Variants in PKLR observed in about 807,000 individuals in gnomAD.
PKLR encodes pyruvate kinase L/R.
PKLR carries 38 observed loss-of-function variants against 53.6 expected under a neutral mutation model. The ratio of observed to expected loss-of-function variants is 0.71; its 90% confidence interval spans 0.55 to 0.93. The LOEUF is 0.93. Among genes scored for constraint, PKLR ranks in the 40% least tolerant of loss-of-function variants. The probability of loss-of-function intolerance (pLI) is 0.00; values close to 1 mark genes in which losing one functional copy is unlikely to be tolerated. For synonymous variants in PKLR, 328 were observed against 316.2 expected (o/e 1.04, Z -0.39); for missense variants, 702 against 787.3 (o/e 0.89, Z 1.30).
intron 2 of PKLR, among the ~76,000 whole-genome samples, chr1:155,296,691 C>T (rs577602992): frequency 6.6e-6 from 1 of 152,166 alleles, no homozygotes; most frequent in East Asian, 1.9e-4. Context: ...GGTAAACCTA[C>T]TGTTATTTCT....
Position 155,295,510 on chromosome 1 carries a change from G to A in PKLR, c.434C>T (p.Pro145Leu), listed in dbSNP as rs1553230879. The change falls in exon 4 of 11, where the codon CCA becomes CTA. Residue 145 changes from proline (P) to leucine (L), a missense_variant. By Grantham distance (98) the Pro-to-Leu change is moderately conservative. Coordinates refer to ENST00000342741, the MANE Select transcript of PKLR (RefSeq NM_000298.6). This position sits in a 1 kb window ranked among gnomAD's most constrained non-coding sequence, Gnocchi z 4.3. ...REAVESFAGS[P>L]LSYRPVAIAL... The stretch of plus-strand genomic sequence containing the variant: ...GATGGCCACGGGCCGGTAGCTGAGT[G>A]GGGAACCTGCAAAGCTCTCCACCGC... 2.5e-6 allele frequency: 4 copies of A among 1,611,806 alleles called. No individual in the cohort carries two copies. The highest frequency in any genetic ancestry group is 1.3e-5 in the African/African-American group (1 of 75,038).
At chr1:155,296,864 C>T (rs184842112) in intron 2 of PKLR, among the ~76,000 whole-genome samples, 22 of 152,230 alleles carry the variant, frequency 1.4e-4, no homozygotes, top group Middle Eastern at 3.4e-3. Context: ...CGTTGGCCTC[C>T]ATCTCTCCAC....
intron 1 of PKLR, chr1:155,300,929 C>A (rs1214774859): frequency 1.2e-6 from 2 of 1,602,022 alleles, no homozygotes; most frequent in Admixed American, 3.4e-5. Context: ...TGTGGGTCTG[C>A]TCCACACTGT....
intron 2 of PKLR, among the ~76,000 whole-genome samples, chr1:155,296,342 C>G (rs1230909224): frequency 6.6e-6 from 1 of 151,912 alleles, no homozygotes; most frequent in South Asian, 2.1e-4. Context: ...TTTTCTTTTT[C>G]TTTCTTTTTT....
rs777525158 is a variant in PKLR at position 155,300,135 on chromosome 1, G to A, written c.246C>T (p.Pro82=). 2.2e-5 allele frequency: 35 copies of A among 1,613,808 alleles called. No individual in the cohort carries two copies. The East Asian group carries it at 4.5e-4, about 21-fold the overall frequency. Residue 82 remains proline (P), a synonymous_variant, in exon 2 of 11, where the codon CCC becomes CCT. Transcript: ENST00000342741. ...TGATGCTGGTACTGCGAGCAGCCAC[G>A]GGCTCGGAGTCAATGTCCAGTAGGC... The part of the protein sequence containing the change: ...HLCLLDIDSE[P]VAARSTSIIA...
intron 2 of PKLR, among the ~76,000 whole-genome samples, chr1:155,297,867 C>A (rs1402703257): frequency 6.6e-6 from 1 of 152,076 alleles, no homozygotes; most frequent in Non-Finnish European, 1.5e-5. Context: ...TCTCTTCCCC[C>A]AGGTCTCTGC....
chr1:155,299,918 G>GT lies in PKLR; in HGVS notation c.283+179dup, dbSNP rs1442403771. Among the ~76,000 whole-genome samples, 3 of 152,146 alleles carry GT rather than the reference G, an allele frequency of 2.0e-5. No individual in the cohort carries two copies. In the East Asian group the frequency reaches 5.8e-4, roughly 29 times the overall value. On this transcript the variant is annotated intron_variant, in intron 2 of 10. Coordinates refer to ENST00000342741, the MANE Select transcript of PKLR (RefSeq NM_000298.6). ...TCCCCAAGGGTAGGGATTTTTGTCT[G>GT]TTTTTTTCACTGATCTACTCCCAGG...
At position 155,293,060 on chromosome 1, in the gene PKLR, CTT is replaced by C. The variant is rs756853049; in HGVS notation, c.1436+115_1436+116del. ...TCCAGCTGTCATTGCTGCCTCTCCTCTTGTCTCAGGTGGACACTCTTCACCCC... is the reference window on the plus strand; with the variant it reads ...TCCAGCTGTCATTGCTGCCTCTCCTCGTCTCAGGTGGACACTCTTCACCCC... On this transcript the variant is annotated intron_variant, in intron 9 of 10. Coordinates refer to ENST00000342741, the MANE Select transcript of PKLR (RefSeq NM_000298.6). The surrounding 1 kb of genome is among the most constrained non-coding windows in gnomAD (Gnocchi z 4.2). The C allele has an allele frequency of 9.3e-7, 1 of 1,075,258 alleles. No homozygotes were observed. Among genetic ancestry groups the C allele is most frequent in the Non-Finnish European group, 1.4e-6 (1 of 694,650 alleles). 66.6% of individuals were successfully genotyped at this position (1,075,258 alleles called of 1,614,324 possible).
At chr1:155,298,996 T>C (rs1468040960) in intron 2 of PKLR, among the ~76,000 whole-genome samples, 2 of 98,436 alleles carry the variant, frequency 2.0e-5, no homozygotes, top group Non-Finnish European at 3.8e-5. Context: ...CTTTCTTTCT[T>C]TCTTTCTTTC....
chr1:155,298,994 CTTTCTTTCTTTCT>C (rs1406210618), intron 2 of PKLR, among the ~76,000 whole-genome samples: 3 of 96,756 alleles, frequency 3.1e-5, no homozygotes, highest in Non-Finnish European at 5.7e-5. Context: ...TTCTTTCTTT[CTTTCTTTCTTTCT>C]TTCTTTCTTT....
chr1:155,291,839 ACTC>A lies in PKLR; in HGVS notation c.1532_1534del (p.Gly511del). On this transcript the variant is annotated inframe_deletion, in exon 10 of 11. Transcript: ENST00000342741. ...AGGTTCACGGTAAAGCAAGGGGAAG[ACTC>A]CTCGGCATAAGTGGACCTGGCGGGC... 1 of 1,613,500 alleles carries A rather than the reference ACTC, an allele frequency of 6.2e-7. No individual in the cohort carries two copies. The highest frequency in any genetic ancestry group is 8.5e-7 in the Non-Finnish European group (1 of 1,179,864).
At chr1:155,296,477 G>A (rs898605075) in intron 2 of PKLR, among the ~76,000 whole-genome samples, 12 of 151,818 alleles carry the variant, frequency 7.9e-5, no homozygotes, top group African/African-American at 2.9e-4. Flanking sequence ...TGAGTAGCTG[G>A]GATTACAGGT....
In PKLR at chr1:155,295,111, C is replaced by G. The variant is rs773481993; in HGVS notation, c.694+5G>C. On this transcript the variant is annotated splice_donor_5th_base_variant and intron_variant, in intron 5 of 10. Coordinates refer to ENST00000342741, the MANE Select transcript of PKLR (RefSeq NM_000298.6). This position sits in a 1 kb window ranked among gnomAD's most constrained non-coding sequence, Gnocchi z 4.3. Reference sequence around the variant, plus strand: ...ATGTGGTCAGGGCGGGAGGCGCGTCCGCACCGATTTTCTGGACCACTAGGG... The same window carrying G: ...ATGTGGTCAGGGCGGGAGGCGCGTCGGCACCGATTTTCTGGACCACTAGGG... 6.2e-7 allele frequency: 1 copy of G among 1,613,722 alleles called. No individual in the cohort carries two copies. Among genetic ancestry groups the G allele is most frequent in the Admixed American group, 1.7e-5 (1 of 60,024 alleles).
At chr1:155,297,624 T>C (rs921654446) in intron 2 of PKLR, among the ~76,000 whole-genome samples, 1 of 151,388 alleles carries the variant, frequency 6.6e-6, no homozygotes, top group African/African-American at 2.4e-5. Context: ...GGAGGCTCTA[T>C]TAAAACATAA....
At chr1:155,302,712 A>G (rs988388896), upstream of PKLR, among the ~76,000 whole-genome samples, 2 of 149,186 alleles carry the variant, frequency 1.3e-5, no homozygotes, top group African/African-American at 5.0e-5. Context: ...TCACTCTGTC[A>G]CCCTGGCTGG....
At chr1:155,300,810 CTGCTA>C (rs1255172419) in intron 1 of PKLR, 13 of 1,565,176 alleles carry the variant, frequency 8.3e-6, no homozygotes, top group African/African-American at 1.4e-5. Context: ...CTTCTCAAAG[CTGCTA>C]CAGACACAGA....
chr1:155,304,434 CAAAAAA>C (rs61510118), upstream of PKLR, among the ~76,000 whole-genome samples: 1 of 62,222 alleles, frequency 1.6e-5, no homozygotes, highest in Admixed American at 2.1e-4. Context: ...AACTGCGTCT[CAAAAAA>C]AAAAAAAAAA....
Position 155,295,840 on chromosome 1 carries a change from G to A in PKLR, c.284-84C>T. 5.1e-6 allele frequency: 6 copies of A among 1,167,216 alleles called. No homozygotes were observed. Among genetic ancestry groups the A allele is most frequent in the East Asian group, 2.4e-5 (1 of 42,436 alleles). 72.3% of individuals were successfully genotyped at this position (1,167,216 alleles called of 1,614,324 possible). A position where few individuals can be genotyped will look rare whatever the true frequency, so the allele number is the denominator to read the frequency against. ...CCCAACCCATTACCATTCTCAGAACGCCTCACGCCACAGGCGTCCTGTTAC... is the reference window on the plus strand; with the variant it reads ...CCCAACCCATTACCATTCTCAGAACACCTCACGCCACAGGCGTCCTGTTAC... On this transcript the variant is annotated intron_variant, in intron 2 of 10. Coordinates refer to ENST00000342741, the MANE Select transcript of PKLR (RefSeq NM_000298.6). The surrounding 1 kb of genome is among the most constrained non-coding windows in gnomAD (Gnocchi z 4.3).
rs1335751664 is a variant in PKLR, at chr1:155,291,815, G to A, written c.1559C>T (p.Pro520Leu). ...ATCATCTGCCCAGATGGCTTCTGGA[G>A]GTTCACGGTAAAGCAAGGGGAAGAC... ...RGVFPLLYREPPEAIWADDVD... is the reference protein window; with the variant it reads ...RGVFPLLYRELPEAIWADDVD... The change falls in exon 10 of 11, where the codon CCT (proline) becomes CTT (leucine). Residue 520 changes from proline (P) to leucine (L), a missense_variant. By Grantham distance (98) the Pro-to-Leu change is moderately conservative. Coordinates refer to ENST00000342741, the MANE Select transcript of PKLR (RefSeq NM_000298.6). The A allele has an allele frequency of 2.5e-6, 4 of 1,614,018 alleles. No homozygotes were observed. The African/African-American group carries it at 5.3e-5, about 22-fold the overall frequency.
Sources: gnomAD v4.1 joint callset for allele counts (sites outside exome capture counted in the v4.1 genomes callset) on GRCh38, gnomAD v4.1.1 for gene constraint, Gnocchi (gnomAD v3.1) non-coding constraint, MANE v1.5 for transcripts, NCBI Gene and HGNC (gene_info 2026-07-23, HGNC 2026-07-21) for gene names.